The following LMCD1 variants were observed in gnomAD, a reference collection of about 807,000 sequenced individuals.
LMCD1 encodes the protein LIM and cysteine-rich domains protein 1.
A neutral mutation model predicts 42.7 loss-of-function variants in LMCD1; 32 were observed. That is an observed-to-expected ratio of 0.75 (90% CI 0.57 to 1.01). The LOEUF (loss-of-function observed/expected upper bound fraction) is 1.01. LMCD1 is among the 50% of genes least tolerant of loss of function. The pLI is 0.00. For synonymous variants in LMCD1, 178 were observed against 184.9 expected, an observed-to-expected ratio of 0.96 and a Z score of 0.30; for missense variants, 458 against 483.1, an observed-to-expected ratio of 0.95 and a Z score of 0.49.
chr3:8,529,987 G>C (rs1255224178), intron 1 of LMCD1, among the ~76,000 whole-genome samples: 3 of 152,168 alleles, frequency 2.0e-5, no homozygotes, highest in South Asian at 4.1e-4. Flanking sequence ...AACTCAACAA[G>C]CCTACTTGCC....
intron 3 of LMCD1, among the ~76,000 whole-genome samples, chr3:8,538,414 T>C (rs1434574889): frequency 2.0e-5 from 3 of 152,244 alleles, no homozygotes; most frequent in Non-Finnish European, 2.9e-5. Context: ...ATTTTAAAAA[T>C]GCAAGCATGG....
chr3:8,512,634 T>C (rs373594540), intron 1 of LMCD1, among the ~76,000 whole-genome samples: 2 of 152,192 alleles, frequency 1.3e-5, no homozygotes, highest in African/African-American at 4.8e-5. Context: ...ATAATGAGAT[T>C]CCCAGCTAAT....
intron 4 of LMCD1, chr3:8,551,043 C>T (rs1299608503): frequency 1.0e-6 from 1 of 985,252 alleles, no homozygotes; most frequent in African/African-American, 1.7e-5. Flanking sequence ...TGGAAAAGGC[C>T]AAAGTCAGAA....
rs114822053 is a variant in LMCD1, at chr3:8,527,376, G to C, written c.43-5361G>C. Among the ~76,000 whole-genome samples the C allele has an allele frequency of 7.0e-3, 1,068 of 152,268 alleles. 15 individuals are homozygous for C. The Middle Eastern group carries it at 0.071, about 10-fold the overall frequency. ...GACTCAAGGTCATTCATCATCTTTT[G>C]ACTGGGAATAATGATGATAATAATT... On this transcript the variant is annotated intron_variant, in intron 1 of 5. Coordinates refer to ENST00000157600, the MANE Select transcript of LMCD1 (RefSeq NM_014583.4).
chr3:8,564,159 C>A (rs1695089124), intron 4 of LMCD1, among the ~76,000 whole-genome samples: 1 of 152,020 alleles, frequency 6.6e-6, no homozygotes, highest in Admixed American at 6.6e-5. Context: ...ACAAATATAC[C>A]TTATTAATGT....
intron 4 of LMCD1, among the ~76,000 whole-genome samples, chr3:8,555,884 G>A (rs774764620): frequency 2.0e-5 from 3 of 152,070 alleles, no homozygotes; most frequent in South Asian, 2.1e-4. Flanking sequence ...CACTAAAGCC[G>A]CCATAGGCAA....
Position 8,565,558 on chromosome 3 carries a change from G to A in LMCD1, c.850G>A (p.Asp284Asn), listed in dbSNP as rs200912528. The A allele has an allele frequency of 1.5e-5, 25 of 1,614,148 alleles. No individual in the cohort carries two copies. The East Asian group carries it at 5.6e-4, about 36-fold the overall frequency. ...TGCCAAGTGCTCCGAGCCGCTGGTG[G>A]ACCTCATCTACTTCTGGAAGGATGG... Reference protein sequence around the residue: ...VCAKCSEPLVDLIYFWKDGAP... With the variant: ...VCAKCSEPLVNLIYFWKDGAP... The change falls in exon 5 of 6, where the codon GAC becomes AAC. Residue 284 changes from aspartate (D) to asparagine (N), a missense_variant. By Grantham distance (23) the Asp-to-Asn change is conservative. Coordinates refer to ENST00000157600, the MANE Select transcript of LMCD1 (RefSeq NM_014583.4).
intron 4 of LMCD1, among the ~76,000 whole-genome samples, chr3:8,554,726 A>T (rs1281489746): frequency 6.6e-6 from 1 of 152,052 alleles, no homozygotes; most frequent in African/African-American, 2.4e-5. Flanking sequence ...TCATGTTCTG[A>T]CTCTTAGCAG....
intron 1 of LMCD1, among the ~76,000 whole-genome samples, chr3:8,521,430 A>T (rs1023890598): frequency 5.3e-5 from 8 of 152,182 alleles, no homozygotes; most frequent in African/African-American, 1.9e-4. Flanking sequence ...TTGACAGATA[A>T]AAGAGAGATC....
intron 3 of LMCD1, among the ~76,000 whole-genome samples, chr3:8,539,837 A>G (rs938802128): frequency 1.4e-5 from 2 of 141,152 alleles, no homozygotes; most frequent in Non-Finnish European, 3.1e-5. Context: ...TATTATTATT[A>G]TTGTACTTTA....
chr3:8,502,780 A>G (rs1224057019), intron 1 of LMCD1, among the ~76,000 whole-genome samples: 1 of 152,108 alleles, frequency 6.6e-6, no homozygotes, highest in Non-Finnish European at 1.5e-5. Flanking sequence ...TATAGCTCCA[A>G]TACCACTTGT....
At chr3:8,551,364 T>G in intron 4 of LMCD1, 1 of 984,542 alleles carries the variant, frequency 1.0e-6, no homozygotes, top group Non-Finnish European at 1.2e-6. Flanking sequence ...TCCACATTTA[T>G]TAAGCCCCTG....
chr3:8,523,290 GA>G (rs1488341464), intron 1 of LMCD1, among the ~76,000 whole-genome samples: 3 of 152,322 alleles, frequency 2.0e-5, no homozygotes, highest in Admixed American at 2.0e-4. Flanking sequence ...AGAGGAATAG[GA>G]ATGCCCAAGG....
intron 1 of LMCD1, among the ~76,000 whole-genome samples, chr3:8,527,523 T>C (rs1562687): frequency 0.51 from 78,188 of 152,070 alleles, 20,961 homozygotes; most frequent in African/African-American, 0.6. Context: ...AGTCCTTTCC[T>C]GGACCTTCTG....
At chr3:8,550,982 GA>G (rs1694829782) in intron 4 of LMCD1, 1 of 985,260 alleles carries the variant, frequency 1.0e-6, no homozygotes, top group South Asian at 4.7e-5. Context: ...TCAGCTTTAG[GA>G]AATGATTGTG....
intron 1 of LMCD1, among the ~76,000 whole-genome samples, chr3:8,521,872 G>GT (rs956727820): frequency 6.6e-6 from 1 of 152,064 alleles, no homozygotes; most frequent in Non-Finnish European, 1.5e-5. Flanking sequence ...AAGGAGAGTT[G>GT]TTTTTTCATT....
intron 4 of LMCD1, among the ~76,000 whole-genome samples, chr3:8,564,603 C>G (rs553225866): frequency 1.3e-5 from 2 of 152,310 alleles, no homozygotes; most frequent in African/African-American, 4.8e-5. Flanking sequence ...TTATTTAAAA[C>G]TCTTCATGCA....
chr3:8,538,800 G>T (rs115461728), intron 3 of LMCD1, among the ~76,000 whole-genome samples: 16,451 of 152,106 alleles, frequency 0.11, 1,056 homozygotes, highest in South Asian at 0.2. Context: ...CAGACACCCT[G>T]CCTGTCCTGT....
chr3:8,532,767 G>A lies in LMCD1; in HGVS notation c.73G>A (p.Gly25Ser). The change falls in exon 2 of 6, where the codon GGT (glycine) becomes AGT (serine). Residue 25 changes from glycine to serine, a missense_variant. Gly to Ser is a moderately conservative substitution (Grantham distance 56). Transcript: ENST00000157600. ...CCTGGGCCAGCTGCAGTCAGCAAGA[G>A]GTGTGGCATGTTTGGGATGCAAGGG... ...MSLGQLQSARGVACLGCKGTC... is the reference protein window; with the variant it reads ...MSLGQLQSARSVACLGCKGTC... The A allele has an allele frequency of 1.9e-6, 3 of 1,613,654 alleles. No homozygotes were observed. The highest frequency in any genetic ancestry group is 2.5e-6 in the Non-Finnish European group (3 of 1,179,848).
Sources: allele counts gnomAD v4.1 joint callset (sites outside exome capture counted in the v4.1 genomes callset), GRCh38; gene constraint gnomAD v4.1.1; transcripts MANE v1.5; gene names NCBI Gene and HGNC (gene_info 2026-07-23, HGNC 2026-07-21).